The following OPCML variants were observed in gnomAD, a reference collection of about 807,000 sequenced individuals.
The protein encoded by OPCML is opioid binding protein/cell adhesion molecule like, also known as opioid-binding protein/cell adhesion molecule.
In OPCML, 13 loss-of-function variants were observed where a neutral mutation model predicts 37.8. The observed-to-expected ratio is 0.34, with a 90% confidence interval of 0.22 to 0.55. The LOEUF is 0.55. OPCML is among the 20% of genes least tolerant of loss of function. The probability of loss-of-function intolerance (pLI) is 0.91; values close to 1 mark genes in which losing one functional copy is unlikely to be tolerated. For missense variants in OPCML, 341 were observed against 435.6 expected (o/e 0.78, Z 1.93); for synonymous variants, 176 against 168.8 (o/e 1.04, Z -0.33).
intron 4 of OPCML, among the ~76,000 whole-genome samples, chr11:132,499,678 C>A (rs1221722406): frequency 1.3e-5 from 2 of 152,188 alleles, no homozygotes; most frequent in African/African-American, 4.8e-5. Flanking sequence ...CCTCTCTATG[C>A]CTCAGCATCC....
rs1306138365 is a variant in OPCML, at chr11:133,210,374, CCT to C, written c.62-267366_62-267365del. Reference sequence around the variant, plus strand: ...TTTTGCCTGCTCCCCTGCACTATCCCCTCTTTCTCCCGCCAGCCCCTCCCTTC... The same window carrying C: ...TTTTGCCTGCTCCCCTGCACTATCCCCTTTCTCCCGCCAGCCCCTCCCTTC... On this transcript the variant is annotated intron_variant, in intron 1 of 7. Coordinates refer to ENST00000524381, the MANE Select transcript of OPCML (RefSeq NM_001012393.5). 2.6e-5 allele frequency among the ~76,000 whole-genome samples: 4 copies of C among 152,224 alleles called. No individual in the cohort carries two copies. In the East Asian group the frequency reaches 5.8e-4, roughly 22 times the overall value.
intron 3 of OPCML, among the ~76,000 whole-genome samples, chr11:132,610,508 C>T (rs578187705): frequency 6.6e-6 from 1 of 152,278 alleles, no homozygotes; most frequent in African/African-American, 2.4e-5. Flanking sequence ...ATCACATTAT[C>T]TCACAGGATA....
At chr11:133,084,228 G>A (rs1948785037) in intron 1 of OPCML, among the ~76,000 whole-genome samples, 1 of 151,996 alleles carries the variant, frequency 6.6e-6, no homozygotes, top group Admixed American at 6.5e-5. Context: ...GGCAGAACCA[G>A]CATTCATACC....
chr11:133,034,854 A>G (rs1024256036), intron 1 of OPCML, among the ~76,000 whole-genome samples: 7 of 151,654 alleles, frequency 4.6e-5, no homozygotes, highest in African/African-American at 1.7e-4. Flanking sequence ...TGGACCCCAG[A>G]TCTTTTTTTA....
intron 1 of OPCML, among the ~76,000 whole-genome samples, chr11:133,184,854 G>A (rs1938002200): frequency 2.0e-5 from 3 of 152,182 alleles, no homozygotes; most frequent in Admixed American, 1.3e-4. Context: ...TAGCCCTGAA[G>A]AATAGAGAAC....
chr11:133,373,560 G>A (rs1358291252), intron 1 of OPCML, among the ~76,000 whole-genome samples: 1 of 150,670 alleles, frequency 6.6e-6, no homozygotes, highest in Non-Finnish European at 1.5e-5. Context: ...GGGAGGTGGA[G>A]GTTGCAGTGA....
Position 132,500,781 on chromosome 11 carries a change from A to C in OPCML, c.505+28280T>G, listed in dbSNP as rs561115727. On this transcript the variant is annotated intron_variant, in intron 4 of 7. Coordinates refer to ENST00000524381, the MANE Select transcript of OPCML (RefSeq NM_001012393.5). ...CACGTGTTCTCATTGTTCATCTCCC[A>C]CTTATGAGTGAGAACATGTGGTGTT... Among the ~76,000 whole-genome samples, 14 of 151,560 alleles carry C rather than the reference A, an allele frequency of 9.2e-5. 1 individual carries two copies. In the South Asian group the frequency reaches 2.9e-3, roughly 32 times the overall value.
chr11:133,482,972 A>T (rs1159669055), intron 1 of OPCML, among the ~76,000 whole-genome samples: 1 of 152,188 alleles, frequency 6.6e-6, no homozygotes, highest in Non-Finnish European at 1.5e-5. Flanking sequence ...GAATTAACAG[A>T]TAATAATAGA....
intron 1 of OPCML, among the ~76,000 whole-genome samples, chr11:133,350,487 C>T (rs1944111015): frequency 6.6e-6 from 1 of 152,128 alleles, no homozygotes; most frequent in Non-Finnish European, 1.5e-5. Context: ...CATCTATCTT[C>T]CTCCCAGAAA....
intron 2 of OPCML, among the ~76,000 whole-genome samples, chr11:132,931,352 T>C (rs1218834082): frequency 1.3e-5 from 2 of 152,082 alleles, no homozygotes; most frequent in Non-Finnish European, 2.9e-5. Flanking sequence ...GCCTTCTTCA[T>C]CAAAAGACAC....
intron 2 of OPCML, among the ~76,000 whole-genome samples, chr11:132,871,557 G>A (rs1457956597): frequency 1.3e-5 from 2 of 152,170 alleles, no homozygotes; most frequent in Non-Finnish European, 2.9e-5. Flanking sequence ...ATAGGTGGAA[G>A]GTCCTGGAAC....
intron 4 of OPCML, among the ~76,000 whole-genome samples, chr11:132,492,017 G>A (rs1357705530): frequency 6.6e-6 from 1 of 150,698 alleles, no homozygotes; most frequent in African/African-American, 2.4e-5. Flanking sequence ...GTGAGTGAGA[G>A]CATGAGCCAT....
Position 132,418,235 on chromosome 11 carries a change from C to T in OPCML, c.*1958G>A, listed in dbSNP as rs2095945228. 1 of 152,152 alleles carries T rather than the reference C, an allele frequency of 6.6e-6. No individual in the cohort carries two copies. The highest frequency in any genetic ancestry group is 6.5e-5 in the Admixed American group (1 of 15,270). The allele number at this position is 152,152 out of a possible 1,614,324, so 9.4% of individuals were successfully genotyped here. On this transcript the variant is annotated 3_prime_UTR_variant, in exon 8 of 8. Coordinates refer to ENST00000524381, the MANE Select transcript of OPCML (RefSeq NM_001012393.5). Reference sequence around the variant, plus strand: ...TAGACTGAGGGCCTGAAAAGGTTTTCCAACTGAGGCAGGGCAGGTCTGCGA... The same window carrying T: ...TAGACTGAGGGCCTGAAAAGGTTTTTCAACTGAGGCAGGGCAGGTCTGCGA...
At chr11:132,611,481 G>C (rs187999188) in intron 3 of OPCML, among the ~76,000 whole-genome samples, 9 of 152,280 alleles carry the variant, frequency 5.9e-5, no homozygotes. Flanking sequence ...AACATGGATA[G>C]TTAATAACCA....
chr11:133,467,087 C>CCACT (rs1386881379), intron 1 of OPCML, among the ~76,000 whole-genome samples: 2 of 152,136 alleles, frequency 1.3e-5, no homozygotes, highest in Non-Finnish European at 2.9e-5. Context: ...ATGAATTAAC[C>CCACT]CACTGCTCTC....
intron 1 of OPCML, chr11:133,439,190 T>C: frequency 1.4e-6 from 1 of 715,824 alleles, no homozygotes; most frequent in Non-Finnish European, 1.7e-6. Flanking sequence ...GGCAGTCTTG[T>C]GGGACTGAGC....
At chr11:133,094,036 C>T (rs897719179) in intron 1 of OPCML, among the ~76,000 whole-genome samples, 9 of 151,952 alleles carry the variant, frequency 5.9e-5, no homozygotes, top group Non-Finnish European at 1.3e-4. Flanking sequence ...CAGGTCCCCT[C>T]GTGTGTCTAA....
chr11:132,664,844 T>A (rs1942151896), intron 2 of OPCML, among the ~76,000 whole-genome samples: 1 of 152,232 alleles, frequency 6.6e-6, no homozygotes, highest in Non-Finnish European at 1.5e-5. Flanking sequence ...CTGCTAGAGC[T>A]AATATTTGCT....
Position 132,971,012 on chromosome 11 carries a change from G to C in OPCML, c.62-28002C>G, listed in dbSNP as rs562077844. On this transcript the variant is annotated intron_variant, in intron 1 of 7. Transcript: ENST00000524381. ...CATCATCTCCTTGGCTACAGTGGCAGAGTCTTCATTTCTCTCTCAATCCCT... is the reference window on the plus strand; with the variant it reads ...CATCATCTCCTTGGCTACAGTGGCACAGTCTTCATTTCTCTCTCAATCCCT... Among the ~76,000 whole-genome samples the C allele has an allele frequency of 1.3e-3, 204 of 152,248 alleles. 1 individual carries two copies. Among genetic ancestry groups the C allele is most frequent in the Non-Finnish European group, 2.4e-3 (165 of 68,022 alleles).
Sources: gnomAD v4.1 joint callset for allele counts (sites outside exome capture counted in the v4.1 genomes callset) on GRCh38, gnomAD v4.1.1 for gene constraint, MANE v1.5 for transcripts, NCBI Gene and HGNC (gene_info 2026-07-23, HGNC 2026-07-21) for gene names.